NPAS3: variants seen among roughly 807,000 people sequenced by gnomAD.
The protein encoded by NPAS3 is neuronal PAS domain-containing protein 3.
A neutral mutation model predicts 73.1 loss-of-function variants in NPAS3; 14 were observed. The observed-to-expected ratio is 0.19, with a 90% CI of 0.13 to 0.30. The LOEUF is 0.30. NPAS3 is among the 10% of genes least tolerant of loss of function. NPAS3 has a pLI of 1.00. For missense variants in NPAS3, 1,096 were observed against 1,250.0 expected (o/e 0.88, Z 1.86); for synonymous variants, 620 against 541.5 (o/e 1.14, Z -2.01).
At chr14:33,149,776 A>G (rs2044377514) in intron 2 of NPAS3, among the ~76,000 whole-genome samples, 1 of 152,186 alleles carries the variant, frequency 6.6e-6, no homozygotes, top group Non-Finnish European at 1.5e-5. Context: ...TGAACTAGAT[A>G]GAGGAATCAG....
chr14:33,040,717 T>C (rs2040322596), intron 1 of NPAS3, among the ~76,000 whole-genome samples: 2 of 152,212 alleles, frequency 1.3e-5, no homozygotes, highest in African/African-American at 4.8e-5. Context: ...CTAACAGGTA[T>C]GTGGCTTTAT....
At chr14:33,411,162 G>C (rs1428435403) in intron 4 of NPAS3, among the ~76,000 whole-genome samples, 1 of 152,078 alleles carries the variant, frequency 6.6e-6, no homozygotes, top group African/African-American at 2.4e-5. Context: ...GAGACATTTG[G>C]CAATGTCTGG....
intron 3 of NPAS3, among the ~76,000 whole-genome samples, chr14:33,282,995 G>C (rs1461992737): frequency 6.6e-6 from 1 of 152,142 alleles, no homozygotes; most frequent in Non-Finnish European, 1.5e-5. Flanking sequence ...AGAAAAATGA[G>C]AGATTTAAGA....
intron 4 of NPAS3, among the ~76,000 whole-genome samples, chr14:33,554,911 G>C (rs2055285814): frequency 6.6e-6 from 1 of 152,222 alleles, no homozygotes; most frequent in Non-Finnish European, 1.5e-5. Context: ...CTCATCATTT[G>C]ACAAGTACTG....
intron 6 of NPAS3, among the ~76,000 whole-genome samples, chr14:33,711,828 C>G (rs2060826616): frequency 6.6e-6 from 1 of 152,080 alleles, no homozygotes; most frequent in East Asian, 1.9e-4. Flanking sequence ...TTCCCATAGT[C>G]AGGTGCCTGC....
intron 3 of NPAS3, among the ~76,000 whole-genome samples, chr14:33,274,765 A>T (rs571419839): frequency 4.0e-4 from 61 of 152,196 alleles, no homozygotes; most frequent in African/African-American, 1.4e-3. Context: ...CAGGCTCTGG[A>T]ATTTAGGCCT....
At chr14:33,630,010 T>C (rs919538706) in intron 5 of NPAS3, among the ~76,000 whole-genome samples, 38 of 152,232 alleles carry the variant, frequency 2.5e-4, no homozygotes. Flanking sequence ...GGTATTTAGC[T>C]GTCCAAATTC....
chr14:33,480,714 T>A (rs573781520), intron 4 of NPAS3, among the ~76,000 whole-genome samples: 23 of 151,882 alleles, frequency 1.5e-4, no homozygotes, highest in Non-Finnish European at 2.8e-4. Context: ...TTGGCAGGCA[T>A]TTAAAACCCT....
chr14:33,195,279 T>C (rs1397818473), intron 2 of NPAS3, among the ~76,000 whole-genome samples: 2 of 152,170 alleles, frequency 1.3e-5, no homozygotes, highest in South Asian at 4.1e-4. Context: ...TTGTTTTCTT[T>C]TGTTTTTTCA....
At chr14:33,016,749 C>G (rs2039411272) in intron 1 of NPAS3, among the ~76,000 whole-genome samples, 1 of 151,900 alleles carries the variant, frequency 6.6e-6, no homozygotes, top group African/African-American at 2.4e-5. Context: ...TTCTCTGTAA[C>G]TCCCCTTGCG....
At chr14:33,227,082 T>A (rs2047663614) in intron 3 of NPAS3, among the ~76,000 whole-genome samples, 1 of 152,166 alleles carries the variant, frequency 6.6e-6, no homozygotes, top group African/African-American at 2.4e-5. Context: ...TAGAGACATA[T>A]GAAAGGAAGC....
At chr14:33,763,958 TA>T (rs372997447) in intron 7 of NPAS3, among the ~76,000 whole-genome samples, 1,806 of 150,924 alleles carry the variant, frequency 0.012, 37 homozygotes, top group African/African-American at 0.042. Context: ...ATGGCTTCTT[TA>T]AAAAAAAAAT....
intron 4 of NPAS3, among the ~76,000 whole-genome samples, chr14:33,461,065 G>A (rs1020269012): frequency 5.9e-5 from 9 of 152,152 alleles, no homozygotes; most frequent in African/African-American, 9.7e-5. Flanking sequence ...TAAAACTGGT[G>A]CGGACGATAC....
intron 1 of NPAS3, among the ~76,000 whole-genome samples, chr14:32,990,136 A>G (rs1041758203): frequency 5.9e-5 from 9 of 152,200 alleles, no homozygotes; most frequent in East Asian, 1.9e-4. Flanking sequence ...CATGAGTCCT[A>G]TTTTGGATGC....
At chr14:33,039,100 G>A (rs2138401654) in intron 1 of NPAS3, among the ~76,000 whole-genome samples, 1 of 152,200 alleles carries the variant, frequency 6.6e-6, no homozygotes, top group South Asian at 2.1e-4. Context: ...TTTTTGAGAG[G>A]TTTATTTCTG....
At chr14:33,249,796 T>G (rs2048514875) in intron 3 of NPAS3, among the ~76,000 whole-genome samples, 2 of 152,114 alleles carry the variant, frequency 1.3e-5, no homozygotes, top group Admixed American at 1.3e-4. Context: ...TGGATACATT[T>G]GTACCACTAT....
At chr14:33,736,219 C>T (rs1452805701) in intron 7 of NPAS3, among the ~76,000 whole-genome samples, 3 of 152,184 alleles carry the variant, frequency 2.0e-5, no homozygotes, top group South Asian at 2.1e-4. Flanking sequence ...GCTGTGTTAT[C>T]GCGGATGGTA....
intron 5 of NPAS3, among the ~76,000 whole-genome samples, chr14:33,595,366 G>C (rs967431662): frequency 3.3e-5 from 5 of 151,754 alleles, no homozygotes; most frequent in African/African-American, 1.2e-4. Flanking sequence ...AAGCAGATTA[G>C]GTAAAGACCT....
At chr14:33,687,246 A>G (rs2060115946) in intron 6 of NPAS3, among the ~76,000 whole-genome samples, 3 of 152,222 alleles carry the variant, frequency 2.0e-5, no homozygotes, top group Non-Finnish European at 4.4e-5. Context: ...GTAATAAAAT[A>G]TGGAAAATTT....
Sources: allele counts gnomAD v4.1 joint callset (sites outside exome capture counted in the v4.1 genomes callset), GRCh38; gene constraint gnomAD v4.1.1; transcripts MANE v1.5; gene names NCBI Gene and HGNC (gene_info 2026-07-23, HGNC 2026-07-21).